The following ZNF585A variants were observed in gnomAD, a reference collection of about 807,000 sequenced individuals.
ZNF585A encodes the protein zinc finger protein 585A.
A neutral mutation model predicts 14.9 loss-of-function variants in ZNF585A; 9 were observed. The observed-to-expected ratio is 0.60, with a 90% CI of 0.36 to 1.05. The LOEUF (loss-of-function observed/expected upper bound fraction) is 1.05. ZNF585A is among the 50% of genes least tolerant of loss of function. The pLI, the probability that ZNF585A is intolerant of heterozygous loss-of-function variation, is 0.01. For missense variants in ZNF585A, 726 were observed against 926.4 expected (o/e 0.78, Z 2.81); for synonymous variants, 276 against 319.9 (o/e 0.86, Z 1.46).
chr19:37,152,281 G>A lies in ZNF585A; in HGVS notation c.1618C>T (p.His540Tyr). The A allele has an allele frequency of 6.2e-7, 1 of 1,614,208 alleles. No individual in the cohort carries two copies. The highest frequency in any genetic ancestry group is 1.1e-5 in the South Asian group (1 of 91,082). The change falls in exon 5 of 5, where the codon CAT becomes TAT. Residue 540 changes from histidine (H) to tyrosine (Y), a missense_variant. By Grantham distance (83) the His-to-Tyr change is moderately conservative. Around this residue, in one of 2 missense-constraint regions of ZNF585A, gnomAD observed 243 missense variants for 383.6 expected, o/e 0.63. Transcript: ENST00000292841. ...CTCTCTCCAGTGTGAATTTTCTGAT[G>A]TATATTGAGGTGTGACTTCTGAGTG... ...AFTQKSHLNI[H>Y]QKIHTGERQY...
chr19:37,163,483 T>C (rs1390276139), intron 2 of ZNF585A, among the ~76,000 whole-genome samples: 2 of 143,960 alleles, frequency 1.4e-5, no homozygotes, highest in African/African-American at 2.5e-5. Context: ...AAAGTCTCCC[T>C]GAAAAAAATG....
chr19:37,167,333 C>T (rs989088197), intron 2 of ZNF585A, among the ~76,000 whole-genome samples: 4 of 151,984 alleles, frequency 2.6e-5, no homozygotes, highest in Non-Finnish European at 5.9e-5. Flanking sequence ...CGCCACATAC[C>T]CAGCTAATTT....
chr19:37,152,792 C>G lies in ZNF585A; in HGVS notation c.1107G>C (p.Leu369Phe). 2 of 1,613,988 alleles carry G rather than the reference C, an allele frequency of 1.2e-6. No individual in the cohort carries two copies. The highest frequency in any genetic ancestry group is 3.3e-5 in the Admixed American group (2 of 60,012). Reference sequence around the variant, plus strand: ...CAGTGTGAATTCTCTGATGAATAATCAACTCTGACCTGTAGGTAAAGGCCT... The same window carrying G: ...CAGTGTGAATTCTCTGATGAATAATGAACTCTGACCTGTAGGTAAAGGCCT... Reference protein sequence around the residue: ...CGKAFTYRSELIIHQRIHTGE... With the variant: ...CGKAFTYRSEFIIHQRIHTGE... The change falls in exon 5 of 5, where the codon TTG (leucine) becomes TTC (phenylalanine). Residue 369 changes from leucine to phenylalanine, a missense_variant. Around this residue, in one of 2 missense-constraint regions of ZNF585A, gnomAD observed 483 missense variants for 542.8 expected, o/e 0.89. Transcript: ENST00000292841.
chr19:37,147,427 C>G lies in ZNF585A; in HGVS notation c.*4162G>C, dbSNP rs1971756870. On this transcript the variant is annotated 3_prime_UTR_variant, in exon 5 of 5. Coordinates refer to ENST00000292841, the MANE Select transcript of ZNF585A (RefSeq NM_001288800.2). ...GATGCCTGACAAATAAAAATGTTGA[C>G]TAACTCCAACTGCAGACTCTCTGGC... is the stretch of plus-strand genomic sequence containing the variant. 6.6e-6 allele frequency: 1 copy of G among 152,212 alleles called. No individual in the cohort carries two copies. Among genetic ancestry groups the G allele is most frequent in the African/African-American group, 2.4e-5 (1 of 41,464 alleles). 9.4% of individuals were successfully genotyped at this position (152,212 alleles called of 1,614,324 possible). A position where few individuals can be genotyped will look rare whatever the true frequency, so the allele number is the denominator to read the frequency against.
chr19:37,167,502 C>T (rs1041110553), intron 2 of ZNF585A, among the ~76,000 whole-genome samples: 1 of 152,186 alleles, frequency 6.6e-6, no homozygotes. Flanking sequence ...ATACACATAA[C>T]ATAAAAGTTG....
intron 2 of ZNF585A, among the ~76,000 whole-genome samples, chr19:37,166,724 CA>C (rs1271855210): frequency 1.3e-5 from 2 of 151,950 alleles, no homozygotes; most frequent in Non-Finnish European, 2.9e-5. Context: ...GTGTTTCTGT[CA>C]AACTCATACC....
Position 37,170,589 on chromosome 19 carries a change from T to C in ZNF585A, c.-144-535A>G, listed in dbSNP as rs576498491. 1.9e-3 allele frequency among the ~76,000 whole-genome samples: 287 copies of C among 152,294 alleles called. 1 individual carries two copies. Among genetic ancestry groups the C allele is most frequent in the Admixed American group, 5.3e-3 (81 of 15,300 alleles). ...AGCTCTGCCTCCCAGGTTCAAGCAATTCTCCTGCCTCAGCCTCCCAAGTAG... is the reference window on the plus strand; with the variant it reads ...AGCTCTGCCTCCCAGGTTCAAGCAACTCTCCTGCCTCAGCCTCCCAAGTAG... On this transcript the variant is annotated intron_variant, in intron 1 of 4. Transcript: ENST00000292841.
chr19:37,160,725 A>G (rs1972000603), intron 2 of ZNF585A, among the ~76,000 whole-genome samples: 1 of 152,138 alleles, frequency 6.6e-6, no homozygotes, highest in African/African-American at 2.4e-5. Flanking sequence ...AACATCACAA[A>G]CTACCAAAAC....
At chr19:37,167,551 A>G (rs79544735) in intron 2 of ZNF585A, among the ~76,000 whole-genome samples, 4,979 of 152,182 alleles carry the variant, frequency 0.033, 119 homozygotes, top group Admixed American at 0.056. Context: ...TAGTGACATG[A>G]AGTACATTCA....
At chr19:37,168,690 A>T (rs1972134571) in intron 2 of ZNF585A, among the ~76,000 whole-genome samples, 1 of 152,212 alleles carries the variant, frequency 6.6e-6, no homozygotes, top group African/African-American at 2.4e-5. Context: ...GATTCTTATT[A>T]CCTGTGACTA....
At position 37,147,215 on chromosome 19, in the gene ZNF585A, G is replaced by A. The variant is rs1432413093; in HGVS notation, c.*4374C>T. On this transcript the variant is annotated 3_prime_UTR_variant, in exon 5 of 5. Transcript: ENST00000292841. ...AATGCAAATATCATACAAAATAAGG[G>A]AGCAGCAAGTGAGCTCTACAGATGT... 1 of 152,214 alleles carries A rather than the reference G, an allele frequency of 6.6e-6. No homozygotes were observed. The highest frequency in any genetic ancestry group is 2.4e-5 in the African/African-American group (1 of 41,416). 9.4% of individuals were successfully genotyped at this position (152,214 alleles called of 1,614,324 possible). A position where few individuals can be genotyped will look rare whatever the true frequency, so the allele number is the denominator to read the frequency against.
rs551133791 is a variant in ZNF585A, at chr19:37,151,454, T to C, written c.*135A>G. 1.3e-4 allele frequency: 120 copies of C among 950,368 alleles called. No homozygotes were observed. The African/African-American group carries it at 1.7e-3, about 14-fold the overall frequency. 58.9% of individuals were successfully genotyped at this position (950,368 alleles called of 1,614,324 possible). On this transcript the variant is annotated 3_prime_UTR_variant, in exon 5 of 5. Transcript: ENST00000292841. The stretch of plus-strand genomic sequence containing the variant: ...TCATTCAGTGCCTTCTCAGAGGCCC[T>C]CTCCAGAACAGCCATGTGTGACATT...
chr19:37,156,402 T>C, intron 2 of ZNF585A, 47 bp from the exon 3 acceptor site: 1 of 1,603,868 alleles, frequency 6.2e-7, no homozygotes, highest in Non-Finnish European at 8.5e-7. Context: ...GCTTAGAGGG[T>C]TGGAGAGACT....
Position 37,151,982 on chromosome 19 carries a change from G to A in ZNF585A, c.1917C>T (p.Cys639=), listed in dbSNP as rs181629930. The A allele has an allele frequency of 2.4e-4, 382 of 1,612,748 alleles. No homozygotes were observed. In the African/African-American group the frequency reaches 2.4e-3, roughly 10 times the overall value. Residue 639 remains cysteine, a synonymous_variant, in exon 5 of 5, where the codon TGC becomes TGT. Transcript: ENST00000292841. ...TTGACCTGCCACTAAAGGCCTTCCCGCACTCGGCACACACATAGGGTTTCT... is the reference window on the plus strand; with the variant it reads ...TTGACCTGCCACTAAAGGCCTTCCCACACTCGGCACACACATAGGGTTTCT... The part of the protein sequence containing the change: ...TGEKPYVCAE[C]GKAFSGRSNL...
rs2093598901 is a variant in ZNF585A at position 37,153,459 on chromosome 19, A to T, written c.440T>A (p.Val147Glu). The change falls in exon 5 of 5, where the codon GTA becomes GAA. Residue 147 changes from valine to glutamate, a missense_variant. This residue lies in a region of ZNF585A where 483 missense variants were observed against 542.8 expected (regional missense o/e 0.89). Transcript: ENST00000292841. The part of the protein sequence containing the change: ...KIFTQKSQLK[V>E]HLKVLAGEKL... ...TTCTCCTGCAAGAACTTTCAGGTGT[A>T]CTTTGAGCTGTGACTTCTGGGTGAA... is the stretch of plus-strand genomic sequence containing the variant. 6.2e-7 allele frequency: 1 copy of T among 1,614,064 alleles called. No individual in the cohort carries two copies. Among genetic ancestry groups the T allele is most frequent in the South Asian group, 1.1e-5 (1 of 91,088 alleles).
At chr19:37,165,638 T>C in intron 2 of ZNF585A, 1 of 985,044 alleles carries the variant, frequency 1.0e-6, no homozygotes, top group Non-Finnish European at 1.2e-6. Context: ...TTAGTTAACA[T>C]ATTTGACTTC....
At chr19:37,154,409 G>C (rs1417305855) in intron 4 of ZNF585A, among the ~76,000 whole-genome samples, 4 of 152,064 alleles carry the variant, frequency 2.6e-5, no homozygotes, top group African/African-American at 9.7e-5. Context: ...GGGGGAAAGA[G>C]AAAAAGGAAT....
intron 2 of ZNF585A, among the ~76,000 whole-genome samples, chr19:37,162,555 C>T (rs1972027998): frequency 6.6e-6 from 1 of 152,062 alleles, no homozygotes; most frequent in Non-Finnish European, 1.5e-5. Flanking sequence ...TTCACAATAG[C>T]AAAGACATGG....
intron 2 of ZNF585A, among the ~76,000 whole-genome samples, chr19:37,169,208 T>C (rs556965827): frequency 7.2e-5 from 11 of 152,132 alleles, no homozygotes; most frequent in Non-Finnish European, 1.5e-4. Context: ...AATAAAATTA[T>C]ACCCATGAAA....
Sources: allele counts gnomAD v4.1 joint callset (sites outside exome capture counted in the v4.1 genomes callset), GRCh38; gene constraint gnomAD v4.1.1; regional missense constraint gnomAD v4.1.1; transcripts MANE v1.5; gene names NCBI Gene and HGNC (gene_info 2026-07-23, HGNC 2026-07-21).